The following FMN2 variants were observed in gnomAD, a reference collection of about 807,000 sequenced individuals.
FMN2 encodes the protein formin 2.
A neutral mutation model predicts 142.3 loss-of-function variants in FMN2; 51 were observed. The ratio of observed to expected loss-of-function variants is 0.36; its 90% CI spans 0.29 to 0.45. The LOEUF (loss-of-function observed/expected upper bound fraction) is 0.45. Ranked by LOEUF, FMN2 falls within the 20% of genes least tolerant of loss-of-function variation. The pLI is 1.00. For synonymous variants in FMN2, 882 were observed against 869.8 expected (o/e 1.01, Z -0.25); for missense variants, 1,936 against 2,122.8 (o/e 0.91, Z 1.73).
At chr1:240,332,658 A>T (rs1022910754) in intron 11 of FMN2, among the ~76,000 whole-genome samples, 3 of 152,198 alleles carry the variant, frequency 2.0e-5, no homozygotes, top group African/African-American at 7.2e-5. Context: ...AAAAATTTAA[A>T]TATGTAATCA....
intron 8 of FMN2, among the ~76,000 whole-genome samples, chr1:240,312,857 G>GATGCC (rs1421498947): frequency 6.6e-6 from 1 of 152,074 alleles, no homozygotes; most frequent in Non-Finnish European, 1.5e-5. Context: ...TGATCAGATC[G>GATGCC]CTGCCCTACA....
chr1:240,198,419 C>A (rs1295555459), intron 4 of FMN2, among the ~76,000 whole-genome samples: 1 of 152,182 alleles, frequency 6.6e-6, no homozygotes, highest in East Asian at 1.9e-4. Context: ...ACGCCTCTTC[C>A]TTCCATATCA....
chr1:240,404,489 TTAA>T (rs1674086228), intron 15 of FMN2, among the ~76,000 whole-genome samples: 1 of 152,210 alleles, frequency 6.6e-6, no homozygotes, highest in African/African-American at 2.4e-5. Context: ...CATCATTCCC[TTAA>T]TAATATTGAT....
At chr1:240,291,747 CT>C (rs139379597) in intron 7 of FMN2, among the ~76,000 whole-genome samples, 1 of 151,554 alleles carries the variant, frequency 6.6e-6, no homozygotes, top group Non-Finnish European at 1.5e-5. Context: ...TTTTGTTTTT[CT>C]TTTTTTTGGA....
At chr1:240,170,733 G>A in intron 2 of FMN2, 1 of 1,501,108 alleles carries the variant, frequency 6.7e-7, no homozygotes, top group Non-Finnish European at 9.2e-7. Context: ...ACACTGTCAA[G>A]GTGGGGCCTG....
chr1:240,454,325 T>C lies in FMN2; in HGVS notation c.5060+16115T>C, dbSNP rs565389935. Among the ~76,000 whole-genome samples, 15 of 152,114 alleles carry C rather than the reference T, an allele frequency of 9.9e-5. No homozygotes were observed. The East Asian group carries it at 2.7e-3, about 27-fold the overall frequency. On this transcript the variant is annotated intron_variant, in intron 16 of 17. Transcript: ENST00000319653. ...GGGAGGCTGAGGCAGGTAGATCACT[T>C]GAGGTCAGGAGTTCAAGACCAGCCT...
chr1:240,145,794 G>A (rs891590868), intron 2 of FMN2, among the ~76,000 whole-genome samples: 1 of 152,010 alleles, frequency 6.6e-6, no homozygotes, highest in Non-Finnish European at 1.5e-5. Flanking sequence ...ACAGGTATGA[G>A]TGAGGGTGCT....
chr1:240,412,784 A>G (rs1674441980), intron 15 of FMN2, among the ~76,000 whole-genome samples: 1 of 152,112 alleles, frequency 6.6e-6, no homozygotes, highest in African/African-American at 2.4e-5. Context: ...GGAGAAGATC[A>G]TTATGGATGA....
chr1:240,263,264 C>T (rs139697582), intron 7 of FMN2, among the ~76,000 whole-genome samples: 136 of 152,312 alleles, frequency 8.9e-4, no homozygotes, highest in African/African-American at 3.2e-3. Flanking sequence ...TCACTGTGAT[C>T]TATCTGAAAG....
chr1:240,328,083 G>A (rs1054624462), intron 8 of FMN2, among the ~76,000 whole-genome samples: 1 of 141,820 alleles, frequency 7.1e-6, no homozygotes, highest in African/African-American at 2.7e-5. Flanking sequence ...GGGAGGCGCA[G>A]GTTGTAGTGA....
intron 2 of FMN2, chr1:240,144,867 AC>A: frequency 7.0e-7 from 1 of 1,429,740 alleles, no homozygotes; most frequent in East Asian, 2.3e-5. Context: ...AGCTCCTGCC[AC>A]TCCTTAGCCA....
At chr1:240,140,090 T>C (rs1663116363) in intron 2 of FMN2, among the ~76,000 whole-genome samples, 1 of 152,008 alleles carries the variant, frequency 6.6e-6, no homozygotes, top group Admixed American at 6.6e-5. Context: ...TGAAGGTGAG[T>C]GCTTGCATTG....
At chr1:240,410,375 C>A (rs1240717746) in intron 15 of FMN2, among the ~76,000 whole-genome samples, 1 of 152,090 alleles carries the variant, frequency 6.6e-6, no homozygotes, top group African/African-American at 2.4e-5. Flanking sequence ...AAATCAGTGA[C>A]AGCTGCAAAA....
At chr1:240,160,029 G>A (rs1259052864) in intron 2 of FMN2, among the ~76,000 whole-genome samples, 2 of 136,326 alleles carry the variant, frequency 1.5e-5, no homozygotes, top group Admixed American at 7.4e-5. Flanking sequence ...TCTTCAGTTT[G>A]TTCCTCATCT....
At chr1:240,236,868 A>C (rs999523227) in intron 6 of FMN2, among the ~76,000 whole-genome samples, 1 of 152,188 alleles carries the variant, frequency 6.6e-6, no homozygotes, top group Non-Finnish European at 1.5e-5. Flanking sequence ...CATCCAAACT[A>C]TATCAGCCAT....
chr1:240,416,324 A>G (rs931760460), intron 15 of FMN2, among the ~76,000 whole-genome samples: 1 of 145,554 alleles, frequency 6.9e-6, no homozygotes, highest in Non-Finnish European at 1.5e-5. Context: ...GCAGTGGTGC[A>G]ATCTTAGCTC....
At chr1:240,459,707 ACT>A (rs1230271992) in intron 16 of FMN2, among the ~76,000 whole-genome samples, 134 of 128,418 alleles carry the variant, frequency 1.0e-3, no homozygotes, top group Non-Finnish European at 1.9e-3. Flanking sequence ...ACAGAACAAG[ACT>A]CTGTCTCTAA....
chr1:240,143,628 C>T, intron 2 of FMN2: 1 of 1,610,154 alleles, frequency 6.2e-7, no homozygotes, highest in East Asian at 2.2e-5. Flanking sequence ...TGCGGAATGG[C>T]TCTGATGCAA....
chr1:240,445,513 G>A (rs889964169), intron 16 of FMN2, among the ~76,000 whole-genome samples: 5 of 152,246 alleles, frequency 3.3e-5, no homozygotes, highest in African/African-American at 7.2e-5. Flanking sequence ...GTAATGTGCT[G>A]TATGAGCATT....
Sources: gnomAD v4.1 joint callset for allele counts (sites outside exome capture counted in the v4.1 genomes callset) on GRCh38, gnomAD v4.1.1 for gene constraint, MANE v1.5 for transcripts, NCBI Gene and HGNC (gene_info 2026-07-23, HGNC 2026-07-21) for gene names.